Variants in SCGB2A1 observed in about 807,000 individuals in gnomAD.
SCGB2A1 encodes the protein mammaglobin-B.
A neutral mutation model predicts 9.2 loss-of-function variants in SCGB2A1; 6 were observed. The ratio of observed to expected loss-of-function variants is 0.66; its 90% CI spans 0.36 to 1.29. The LOEUF (loss-of-function observed/expected upper bound fraction) is 1.29, where lower values mean the gene tolerates loss of function less well. SCGB2A1 is among the 50% of genes most tolerant of loss of function. The probability of loss-of-function intolerance (pLI) is 0.03; values close to 1 mark genes in which losing one functional copy is unlikely to be tolerated. For synonymous variants in SCGB2A1, 37 were observed against 41.0 expected (o/e 0.90, Z 0.37); for missense variants, 138 against 116.9 (o/e 1.18, Z -0.83).
chr11:62,210,852 C>T (rs926006750), intron 2 of SCGB2A1, among the ~76,000 whole-genome samples: 2 of 151,890 alleles, frequency 1.3e-5, no homozygotes, highest in African/African-American at 2.4e-5. Context: ...CCAGTCCCTT[C>T]TCACACAGAC....
chr11:62,209,271 C>T (rs1011312013), intron 1 of SCGB2A1, among the ~76,000 whole-genome samples: 2 of 152,088 alleles, frequency 1.3e-5, no homozygotes, highest in Admixed American at 1.3e-4. Flanking sequence ...TCTGGGATGC[C>T]CTTACCCTCC....
chr11:62,212,963 T>TATGCACACAC (rs2134736045), intron 2 of SCGB2A1, among the ~76,000 whole-genome samples: 1 of 149,006 alleles, frequency 6.7e-6, no homozygotes, highest in African/African-American at 2.5e-5. Context: ...TATGTACACA[T>TATGCACACAC]ATGTACACAT....
At chr11:62,213,113 T>TTTTTTTTTTTGTAGAGATGGCA in intron 2 of SCGB2A1, among the ~76,000 whole-genome samples, 1 of 145,116 alleles carries the variant, frequency 6.9e-6, no homozygotes, top group African/African-American at 2.5e-5. Flanking sequence ...TATATTTTTT[T>TTTTTTTTTTTGTAGAGATGGCA]TTTTGTAGAG....
chr11:62,211,810 T>A (rs1484556724), intron 2 of SCGB2A1, among the ~76,000 whole-genome samples: 2 of 152,244 alleles, frequency 1.3e-5, no homozygotes, highest in Non-Finnish European at 2.9e-5. Flanking sequence ...AAGTGCAGAT[T>A]ATGGGTATGA....
In SCGB2A1 at chr11:62,211,470, G is replaced by T. The variant is rs564430007; in HGVS notation, c.243+870G>T. Among the ~76,000 whole-genome samples the T allele has an allele frequency of 2.6e-5, 4 of 152,132 alleles. No homozygotes were observed. The South Asian group carries it at 6.2e-4, about 24-fold the overall frequency. Reference sequence around the variant, plus strand: ...GCTGGAGTGCAGTGGCATGATCTTCGTTCACTGCAACCTCTGCCTCCTGGG... The same window carrying T: ...GCTGGAGTGCAGTGGCATGATCTTCTTTCACTGCAACCTCTGCCTCCTGGG... On this transcript the variant is annotated intron_variant, in intron 2 of 2. Transcript: ENST00000244930.
intron 2 of SCGB2A1, 34 bp from the exon 3 acceptor site, chr11:62,213,692 T>A: frequency 6.3e-7 from 1 of 1,594,602 alleles, no homozygotes; most frequent in Non-Finnish European, 8.5e-7. Flanking sequence ...TAAGTGAAAT[T>A]TGCAAACCTA....
Position 62,211,282 on chromosome 11 carries a change from T to C in SCGB2A1, c.243+682T>C, listed in dbSNP as rs1203915357. Among the ~76,000 whole-genome samples, 6 of 152,128 alleles carry C rather than the reference T, an allele frequency of 3.9e-5. No homozygotes were observed. In the East Asian group the frequency reaches 9.6e-4, roughly 24 times the overall value. ...TGGTTCTCAAGAGATCACACACTTGTAGGAGCAATCTACTAAGAAATTTCC... is the reference window on the plus strand; with the variant it reads ...TGGTTCTCAAGAGATCACACACTTGCAGGAGCAATCTACTAAGAAATTTCC... On this transcript the variant is annotated intron_variant, in intron 2 of 2. Transcript: ENST00000244930.
At chr11:62,211,548 T>C (rs1944831252) in intron 2 of SCGB2A1, among the ~76,000 whole-genome samples, 2 of 152,022 alleles carry the variant, frequency 1.3e-5, no homozygotes, top group Admixed American at 1.3e-4. Context: ...TACAGGCATG[T>C]ACCACCATGC....
intron 2 of SCGB2A1, among the ~76,000 whole-genome samples, chr11:62,212,839 G>C (rs142601587): frequency 0.018 from 2,657 of 151,512 alleles, 20 homozygotes; most frequent in Non-Finnish European, 0.027. Flanking sequence ...GGGCTCAAGT[G>C]ATCCTCCCGC....
chr11:62,212,983 C>T (rs986108458), intron 2 of SCGB2A1, among the ~76,000 whole-genome samples: 2 of 147,160 alleles, frequency 1.4e-5, no homozygotes, highest in Non-Finnish European at 3.0e-5. Flanking sequence ...TATATGTGCA[C>T]ATATACATGC....
intron 2 of SCGB2A1, among the ~76,000 whole-genome samples, chr11:62,212,593 C>T (rs1270203051): frequency 1.3e-5 from 2 of 151,992 alleles, no homozygotes; most frequent in Non-Finnish European, 2.9e-5. Flanking sequence ...CAAGATAGTG[C>T]CACCGCACTC....
At chr11:62,212,923 C>CATATGT (rs1944841758) in intron 2 of SCGB2A1, among the ~76,000 whole-genome samples, 1 of 140,768 alleles carries the variant, frequency 7.1e-6, no homozygotes, top group African/African-American at 2.9e-5. Context: ...TATATACACA[C>CATATGT]ACACATATAT....
At chr11:62,210,386 C>CT (rs201416395) in intron 1 of SCGB2A1, 27 bp from the exon 2 acceptor site, 22,306 of 1,339,228 alleles carry the variant, frequency 0.017, 115 homozygotes, top group African/African-American at 0.066. Flanking sequence ...GTTCTTGTGT[C>CT]TTTTTTTTTT....
At chr11:62,209,132 C>A (rs1445899979) in intron 1 of SCGB2A1, among the ~76,000 whole-genome samples, 1 of 152,142 alleles carries the variant, frequency 6.6e-6, no homozygotes, top group African/African-American at 2.4e-5. Context: ...AGGAAATAAT[C>A]ATGGGTCTCC....
rs752735999 is a variant in SCGB2A1, at chr11:62,208,761, G to A, written c.30G>A (p.Ala10=). 38 of 1,613,392 alleles carry A rather than the reference G, an allele frequency of 2.4e-5. No individual in the cohort carries two copies. The highest frequency in any genetic ancestry group is 1.5e-4 in the African/African-American group (11 of 74,908). Residue 10 remains alanine (A), a synonymous_variant, in exon 1 of 3, where the codon GCG becomes GCA. Transcript: ENST00000244930. Reference sequence around the variant, plus strand: ...AGCTGCTGATGGTCCTCATGCTGGCGGCCCTCCTCCTGCACTGCTATGCAG... The same window carrying A: ...AGCTGCTGATGGTCCTCATGCTGGCAGCCCTCCTCCTGCACTGCTATGCAG... MKLLMVLML[A]ALLLHCYADS...
chr11:62,212,929 T>C (rs61893721), intron 2 of SCGB2A1, among the ~76,000 whole-genome samples: 89,249 of 138,738 alleles, frequency 0.64, 28,515 homozygotes, highest in East Asian at 0.96. Flanking sequence ...CACACACACA[T>C]ATATACACAC....
At position 62,213,091 on chromosome 11, in the gene SCGB2A1, C is replaced by CACATATATATATAT. The variant is rs57411910; in HGVS notation, c.244-634_244-633insCATATATATATATA. The stretch of plus-strand genomic sequence containing the variant: ...ATATACATATATACACATATATACA[C>CACATATATATATAT]ATATATATATATATATTTTTTTTTT... On this transcript the variant is annotated intron_variant, in intron 2 of 2. Transcript: ENST00000244930. 3.2e-3 allele frequency among the ~76,000 whole-genome samples: 45 copies of CACATATATATATAT among 13,864 alleles called. 1 individual carries two copies. Among genetic ancestry groups the CACATATATATATAT allele is most frequent in the Admixed American group, 0.027 (21 of 792 alleles). The allele number at this position is 13,864 out of a possible 152,430, so 9.1% of individuals were successfully genotyped here. A position where few individuals can be genotyped will look rare whatever the true frequency, so the allele number is the denominator to read the frequency against.
intron 1 of SCGB2A1, 61 bp downstream of exon 1, chr11:62,208,847 A>G: frequency 1.3e-6 from 2 of 1,536,508 alleles, no homozygotes; most frequent in Non-Finnish European, 1.8e-6. Flanking sequence ...GCCCCTGTAG[A>G]AGAACTCCCA....
intron 2 of SCGB2A1, among the ~76,000 whole-genome samples, chr11:62,211,339 C>CT (rs759491911): frequency 9.4e-6 from 1 of 105,926 alleles, no homozygotes; most frequent in African/African-American, 2.8e-5. Context: ...TCAAAACATT[C>CT]TTATTTTTTT....
Sources: allele counts gnomAD v4.1 joint callset (sites outside exome capture counted in the v4.1 genomes callset), GRCh38; gene constraint gnomAD v4.1.1; transcripts MANE v1.5; gene names NCBI Gene and HGNC (gene_info 2026-07-23, HGNC 2026-07-21).